Variants in SLC2A13 observed in about 807,000 individuals in gnomAD.
SLC2A13 encodes the protein proton myo-inositol cotransporter.
Under a neutral mutation model 64.4 loss-of-function variants are expected in SLC2A13, and 32 were observed. That is an observed-to-expected ratio of 0.50 (90% CI 0.37 to 0.67). SLC2A13 has a LOEUF of 0.67. Among genes scored for constraint, SLC2A13 ranks in the 30% least tolerant of loss-of-function variants. SLC2A13 has a pLI of 0.00. For missense variants in SLC2A13, 743 were observed against 829.2 expected (o/e 0.90, Z 1.28); for synonymous variants, 338 against 327.1 (o/e 1.03, Z -0.36).
chr12:39,961,558 G>A (rs925685487), intron 3 of SLC2A13, among the ~76,000 whole-genome samples: 1 of 152,068 alleles, frequency 6.6e-6, no homozygotes, highest in African/African-American at 2.4e-5. Flanking sequence ...GAGTGCACTG[G>A]TATGATCATG....
intron 4 of SLC2A13, among the ~76,000 whole-genome samples, chr12:39,934,832 C>T (rs749993178): frequency 3.3e-5 from 5 of 152,098 alleles, no homozygotes; most frequent in African/African-American, 7.3e-5. Context: ...ATGATCTTAT[C>T]GAAATAAATG....
chr12:39,783,738 T>G (rs1172675854), intron 7 of SLC2A13, among the ~76,000 whole-genome samples: 1 of 152,212 alleles, frequency 6.6e-6, no homozygotes, highest in Non-Finnish European at 1.5e-5. Context: ...TAAATTTGTT[T>G]GAGTTCTTTG....
chr12:40,003,571 C>A (rs1419779246), intron 3 of SLC2A13, among the ~76,000 whole-genome samples: 1 of 152,028 alleles, frequency 6.6e-6, no homozygotes, highest in Non-Finnish European at 1.5e-5. Flanking sequence ...ACGTGTATTA[C>A]TGAAGGGACT....
chr12:39,800,557 C>T (rs576396055), intron 7 of SLC2A13, among the ~76,000 whole-genome samples: 1 of 105,390 alleles, frequency 9.5e-6, no homozygotes, highest in South Asian at 3.9e-4. Flanking sequence ...TATCATCTCA[C>T]ACCAGTTAGA....
At chr12:39,851,664 A>G (rs1036944132) in intron 6 of SLC2A13, among the ~76,000 whole-genome samples, 7 of 152,198 alleles carry the variant, frequency 4.6e-5, no homozygotes, top group Admixed American at 1.3e-4. Context: ...GAAAACACCA[A>G]TTATGCTAGA....
intron 4 of SLC2A13, among the ~76,000 whole-genome samples, chr12:39,930,909 C>T (rs1945815613): frequency 6.6e-6 from 1 of 152,174 alleles, no homozygotes; most frequent in Admixed American, 6.5e-5. Flanking sequence ...TCATACCCTA[C>T]AATTAAAATA....
chr12:39,817,991 C>T (rs895715559), intron 7 of SLC2A13, among the ~76,000 whole-genome samples: 8 of 152,174 alleles, frequency 5.3e-5, no homozygotes, highest in African/African-American at 1.9e-4. Context: ...TTCTCCTCTG[C>T]TTTGTCCTTT....
At chr12:40,022,111 T>G (rs941079216) in intron 3 of SLC2A13, among the ~76,000 whole-genome samples, 1 of 151,960 alleles carries the variant, frequency 6.6e-6, no homozygotes, top group Admixed American at 6.6e-5. Context: ...TGGAGGTAAA[T>G]CAAATCATGT....
chr12:39,886,505 T>A (rs1488271709), intron 4 of SLC2A13, among the ~76,000 whole-genome samples: 1 of 152,144 alleles, frequency 6.6e-6, no homozygotes, highest in East Asian at 1.9e-4. Flanking sequence ...TAGGGGGTAC[T>A]ACATGACATT....
At chr12:40,004,250 T>A (rs983247605) in intron 3 of SLC2A13, among the ~76,000 whole-genome samples, 3 of 151,914 alleles carry the variant, frequency 2.0e-5, no homozygotes, top group African/African-American at 7.3e-5. Flanking sequence ...AATGGTGCAA[T>A]CTCAGCTCAC....
intron 4 of SLC2A13, among the ~76,000 whole-genome samples, chr12:39,929,272 G>T (rs1315751337): frequency 6.6e-6 from 1 of 152,160 alleles, no homozygotes; most frequent in Non-Finnish European, 1.5e-5. Context: ...GACATGGGAG[G>T]CTGGGCGCAG....
chr12:40,094,579 C>T (rs1402742575), intron 1 of SLC2A13, among the ~76,000 whole-genome samples: 1 of 152,082 alleles, frequency 6.6e-6, no homozygotes, highest in Admixed American at 6.5e-5. Context: ...CTGACCAACA[C>T]AGAGGGCACA....
chr12:39,790,212 TTTTC>T (rs1941336813), intron 7 of SLC2A13, among the ~76,000 whole-genome samples: 2 of 53,032 alleles, frequency 3.8e-5, no homozygotes, highest in South Asian at 7.9e-4. Context: ...AGTGTTTTTT[TTTTC>T]TTCTTCTTCT....
At chr12:39,866,525 T>C (rs1336938949) in intron 5 of SLC2A13, among the ~76,000 whole-genome samples, 3 of 152,156 alleles carry the variant, frequency 2.0e-5, no homozygotes, top group East Asian at 1.9e-4. Context: ...GTCGCCCTGG[T>C]TGGAGTGCAG....
At chr12:39,825,569 T>A (rs2135837163) in intron 7 of SLC2A13, among the ~76,000 whole-genome samples, 1 of 152,280 alleles carries the variant, frequency 6.6e-6, no homozygotes, top group East Asian at 1.9e-4. Flanking sequence ...GTTACATTTT[T>A]TCTTGAAAAC....
chr12:39,790,143 A>AGAC (rs757520826), intron 7 of SLC2A13, among the ~76,000 whole-genome samples: 114 of 149,618 alleles, frequency 7.6e-4, no homozygotes, highest in Non-Finnish European at 1.5e-3. Flanking sequence ...TTTTTTTGAC[A>AGAC]GACTAAGGTT....
At chr12:39,761,011 T>C (rs939354165) in intron 9 of SLC2A13, among the ~76,000 whole-genome samples, 3 of 87,464 alleles carry the variant, frequency 3.4e-5, no homozygotes, top group Non-Finnish European at 8.0e-5. Context: ...GAAACTATAC[T>C]TGTACTTTTG....
At chr12:39,839,911 T>C (rs1943134328) in intron 6 of SLC2A13, among the ~76,000 whole-genome samples, 1 of 152,148 alleles carries the variant, frequency 6.6e-6, no homozygotes. Context: ...ATTGTTCCTT[T>C]TGTGTCTCCC....
At chr12:39,772,249 G>A (rs1254307324) in intron 7 of SLC2A13, among the ~76,000 whole-genome samples, 1 of 152,106 alleles carries the variant, frequency 6.6e-6, no homozygotes, top group East Asian at 1.9e-4. Context: ...TCCCTTACCA[G>A]CTTTGTAACT....
Sources: allele counts gnomAD v4.1 joint callset (sites outside exome capture counted in the v4.1 genomes callset), GRCh38; gene constraint gnomAD v4.1.1; transcripts MANE v1.5; gene names NCBI Gene and HGNC (gene_info 2026-07-23, HGNC 2026-07-21).